Variants in IMMP2L observed in about 807,000 individuals in gnomAD.
IMMP2L encodes the protein mitochondrial inner membrane protease subunit 2.
IMMP2L carries 18 observed loss-of-function variants against 19.3 expected under a neutral mutation model. That is an observed-to-expected ratio of 0.93 (90% CI 0.64 to 1.38). The LOEUF (loss-of-function observed/expected upper bound fraction) is 1.38, where lower values mean the gene tolerates loss of function less well. Among genes scored for constraint, IMMP2L ranks in the 40% most tolerant of loss-of-function variants. The pLI, the probability that IMMP2L is intolerant of heterozygous loss-of-function variation, is 0.00. For synonymous variants in IMMP2L, 76 were observed against 73.0 expected (o/e 1.04, Z -0.21); for missense variants, 233 against 218.2 (o/e 1.07, Z -0.43).
intron 3 of IMMP2L, among the ~76,000 whole-genome samples, chr7:111,070,318 CACA>C (rs1309548408): frequency 6.6e-6 from 1 of 152,154 alleles, no homozygotes; most frequent in Non-Finnish European, 1.5e-5. Flanking sequence ...CAAAACATTC[CACA>C]ACGTTTAAAG....
chr7:111,140,908 C>A (rs928632288), intron 3 of IMMP2L, among the ~76,000 whole-genome samples: 2 of 152,090 alleles, frequency 1.3e-5, no homozygotes, highest in Non-Finnish European at 2.9e-5. Context: ...GAGAGAGCTG[C>A]TGGAAATAGT....
intron 3 of IMMP2L, among the ~76,000 whole-genome samples, chr7:111,470,860 A>C (rs1262400990): frequency 6.6e-6 from 1 of 151,440 alleles, no homozygotes; most frequent in Non-Finnish European, 1.5e-5. Context: ...ATGTACCCTA[A>C]AACTTAAAGT....
intron 3 of IMMP2L, among the ~76,000 whole-genome samples, chr7:111,084,501 G>A (rs1200024839): frequency 6.6e-6 from 1 of 152,034 alleles, no homozygotes; most frequent in African/African-American, 2.4e-5. Flanking sequence ...TAAAGAGACT[G>A]ATTAATTTTA....
chr7:111,019,769 C>G (rs1035121961), intron 3 of IMMP2L, among the ~76,000 whole-genome samples: 8 of 152,112 alleles, frequency 5.3e-5, no homozygotes, highest in African/African-American at 1.9e-4. Flanking sequence ...GTTCTGGAGG[C>G]TGGCCTGGTG....
intron 4 of IMMP2L, among the ~76,000 whole-genome samples, chr7:110,933,828 A>C (rs148280479): frequency 1.2e-3 from 183 of 152,302 alleles, no homozygotes; most frequent in African/African-American, 4.3e-3. Context: ...CAGAAAAAGA[A>C]AGACAATAAA....
intron 3 of IMMP2L, among the ~76,000 whole-genome samples, chr7:111,142,287 C>T (rs1802984253): frequency 1.4e-5 from 2 of 145,602 alleles, no homozygotes; most frequent in South Asian, 4.3e-4. Flanking sequence ...GATCGCGCCA[C>T]TGTGCTCCAG....
chr7:110,670,759 A>G (rs1013006962), intron 5 of IMMP2L, among the ~76,000 whole-genome samples: 10 of 152,122 alleles, frequency 6.6e-5, no homozygotes, highest in African/African-American at 2.4e-4. Context: ...CAGGTCCATG[A>G]AATGTCCTAA....
chr7:111,041,277 C>T (rs1326104164), intron 3 of IMMP2L, among the ~76,000 whole-genome samples: 1 of 151,654 alleles, frequency 6.6e-6, no homozygotes, highest in African/African-American at 2.4e-5. Flanking sequence ...AATAAGTTTA[C>T]AGAAAAAAAG....
intron 3 of IMMP2L, among the ~76,000 whole-genome samples, chr7:111,078,472 C>T (rs888026635): frequency 2.0e-5 from 3 of 152,032 alleles, no homozygotes; most frequent in Non-Finnish European, 4.4e-5. Flanking sequence ...AGGAAACAAA[C>T]GTCCAATATT....
chr7:111,335,817 C>G (rs907735215), intron 3 of IMMP2L, among the ~76,000 whole-genome samples: 1 of 151,970 alleles, frequency 6.6e-6, no homozygotes, highest in Non-Finnish European at 1.5e-5. Context: ...TCTTATAAAA[C>G]AGCAGGAAAG....
At chr7:111,219,721 C>T (rs1812320658) in intron 3 of IMMP2L, among the ~76,000 whole-genome samples, 1 of 151,776 alleles carries the variant, frequency 6.6e-6, no homozygotes, top group Non-Finnish European at 1.5e-5. Flanking sequence ...AATTCAACTG[C>T]AATAATTAAA....
intron 3 of IMMP2L, among the ~76,000 whole-genome samples, chr7:111,032,454 G>A (rs1026088946): frequency 1.3e-5 from 2 of 152,050 alleles, no homozygotes; most frequent in African/African-American, 4.8e-5. Context: ...GCACACATCT[G>A]ATAAATGACT....
At chr7:110,734,861 T>C (rs1206905880) in intron 5 of IMMP2L, among the ~76,000 whole-genome samples, 3 of 152,212 alleles carry the variant, frequency 2.0e-5, no homozygotes, top group Non-Finnish European at 4.4e-5. Flanking sequence ...AAGACTGGGC[T>C]GTTTGCAACT....
intron 2 of IMMP2L, among the ~76,000 whole-genome samples, chr7:111,496,348 C>T (rs1843591060): frequency 6.6e-6 from 1 of 152,108 alleles, no homozygotes; most frequent in Non-Finnish European, 1.5e-5. Context: ...ATCATGGGTA[C>T]TTATTACCCA....
At chr7:111,160,818 G>C (rs1435101349) in intron 3 of IMMP2L, among the ~76,000 whole-genome samples, 1 of 150,408 alleles carries the variant, frequency 6.6e-6, no homozygotes, top group Non-Finnish European at 1.5e-5. Flanking sequence ...AAAACAAAAA[G>C]TTAATTCTTT....
At chr7:110,916,795 A>G (rs985186912) in intron 4 of IMMP2L, among the ~76,000 whole-genome samples, 2 of 152,226 alleles carry the variant, frequency 1.3e-5, no homozygotes, top group African/African-American at 4.8e-5. Flanking sequence ...CTAAAACAAA[A>G]TGTCAATCAA....
intron 5 of IMMP2L, among the ~76,000 whole-genome samples, chr7:110,749,787 T>A (rs1199195774): frequency 6.6e-6 from 1 of 151,964 alleles, no homozygotes; most frequent in East Asian, 1.9e-4. Flanking sequence ...AGGAAAAATA[T>A]CTAACGTAGA....
At chr7:111,307,437 T>TCC (rs1194914530) in intron 3 of IMMP2L, among the ~76,000 whole-genome samples, 1 of 151,852 alleles carries the variant, frequency 6.6e-6, no homozygotes, top group Non-Finnish European at 1.5e-5. Flanking sequence ...TGCTTATGTG[T>TCC]ACCATATTCT....
chr7:111,439,609 C>A (rs1320436557), intron 3 of IMMP2L, among the ~76,000 whole-genome samples: 1 of 151,860 alleles, frequency 6.6e-6, no homozygotes, highest in Non-Finnish European at 1.5e-5. Flanking sequence ...ATCATCTGAG[C>A]CTTTGGCAAG....
Sources: gnomAD v4.1 joint callset for allele counts (sites outside exome capture counted in the v4.1 genomes callset) on GRCh38, gnomAD v4.1.1 for gene constraint, MANE v1.5 for transcripts, NCBI Gene and HGNC (gene_info 2026-07-23, HGNC 2026-07-21) for gene names.